The following TUT4 variants were observed in gnomAD, a reference collection of about 807,000 sequenced individuals.
TUT4 encodes terminal uridylyltransferase 4.
TUT4 carries 36 observed loss-of-function variants against 192.2 expected under a neutral mutation model. The observed-to-expected ratio is 0.19, with a 90% CI of 0.14 to 0.25. The LOEUF (loss-of-function observed/expected upper bound fraction) is 0.25, where lower values mean the gene tolerates loss of function less well. Ranked by LOEUF, TUT4 falls within the 10% of genes least tolerant of loss-of-function variation. TUT4 has a pLI of 1.00. For missense variants in TUT4, 1,493 were observed against 1,957.2 expected (o/e 0.76, Z 4.47); for synonymous variants, 618 against 666.0 (o/e 0.93, Z 1.11).
intron 15 of TUT4, among the ~76,000 whole-genome samples, chr1:52,466,110 C>T (rs1431852908): frequency 6.6e-6 from 1 of 152,124 alleles, no homozygotes; most frequent in African/African-American, 2.4e-5. Flanking sequence ...AAACTTCATA[C>T]CCCCATCCAG....
intron 16 of TUT4, chr1:52,463,845 G>C (rs933212962): frequency 1.6e-6 from 2 of 1,251,796 alleles, no homozygotes; most frequent in African/African-American, 3.1e-5. Flanking sequence ...GGGAAGGTCT[G>C]CTCCTGGCAT....
chr1:52,461,623 T>TA lies in TUT4; in HGVS notation c.3128-8dup, dbSNP rs750120884. The TA allele has an allele frequency of 5.0e-4, 731 of 1,454,710 alleles. No homozygotes were observed. The highest frequency in any genetic ancestry group is 9.1e-4 in the South Asian group (71 of 77,852). The allele number at this position is 1,454,710 out of a possible 1,614,324, so 90.1% of individuals were successfully genotyped here. On this transcript the variant is annotated splice_region_variant and splice_polypyrimidine_tract_variant and intron_variant, in intron 17 of 29. Transcript: ENST00000257177. ...GGCAAAATGTTTCTTAAACCTAATT[T>TA]AAAAAAAAAAGACTTCAGTAGGTTA...
chr1:52,471,268 G>A (rs572778068), intron 14 of TUT4, among the ~76,000 whole-genome samples: 2 of 152,194 alleles, frequency 1.3e-5, no homozygotes, highest in South Asian at 4.1e-4. Flanking sequence ...GCCCACCTCG[G>A]CCTCCCAAAA....
At chr1:52,543,102 G>A (rs562107405) in intron 1 of TUT4, among the ~76,000 whole-genome samples, 35 of 152,104 alleles carry the variant, frequency 2.3e-4, no homozygotes, top group Non-Finnish European at 5.0e-4. Flanking sequence ...TCTAGCCAAC[G>A]CCATTAGGCA....
intron 1 of TUT4, among the ~76,000 whole-genome samples, chr1:52,550,435 T>C (rs1265149294): frequency 2.0e-5 from 3 of 151,038 alleles, no homozygotes; most frequent in Non-Finnish European, 4.4e-5. Flanking sequence ...GGAACACAAC[T>C]CATTGAGTTC....
At chr1:52,498,184 A>G (rs1672921357) in intron 4 of TUT4, among the ~76,000 whole-genome samples, 1 of 151,960 alleles carries the variant, frequency 6.6e-6, no homozygotes, top group South Asian at 2.1e-4. Context: ...TCATTTCTGC[A>G]ATTCTTAATT....
At chr1:52,433,496 A>C (rs977274813) in intron 27 of TUT4, 33 of 152,236 alleles carry the variant, frequency 2.2e-4, no homozygotes, top group African/African-American at 7.7e-4. Context: ...GGAAGAGGCA[A>C]GTCCTGGGGG....
At chr1:52,475,807 T>C (rs1395333777) in intron 12 of TUT4, among the ~76,000 whole-genome samples, 1 of 152,066 alleles carries the variant, frequency 6.6e-6, no homozygotes, top group Non-Finnish European at 1.5e-5. Context: ...GAAGGCCAAC[T>C]AAGTAATTAG....
Position 52,423,704 on chromosome 1 carries a change from A to G in TUT4, c.*231T>C, listed in dbSNP as rs1648807261. ...CAATTTGGTGATACTAGTAAAAACT[A>G]TAGTTCATATTTATATACAAATAAT... is the stretch of plus-strand genomic sequence containing the variant. On this transcript the variant is annotated 3_prime_UTR_variant, in exon 30 of 30. Transcript: ENST00000257177. 1 of 958,616 alleles carries G rather than the reference A, an allele frequency of 1.0e-6. No homozygotes were observed. 59.4% of individuals were successfully genotyped at this position (958,616 alleles called of 1,614,324 possible).
intron 1 of TUT4, among the ~76,000 whole-genome samples, chr1:52,547,331 T>G (rs184988766): frequency 6.6e-6 from 1 of 151,366 alleles, no homozygotes; most frequent in East Asian, 1.9e-4. Flanking sequence ...GAAATGCAAA[T>G]CAAACCCACA....
chr1:52,426,884 A>C (rs1570065845), intron 28 of TUT4, among the ~76,000 whole-genome samples: 1 of 152,160 alleles, frequency 6.6e-6, no homozygotes, highest in Non-Finnish European at 1.5e-5. Context: ...GGGGAAAAAA[A>C]CTCATAATAA....
At chr1:52,510,767 T>C (rs891548277) in intron 3 of TUT4, among the ~76,000 whole-genome samples, 3 of 152,354 alleles carry the variant, frequency 2.0e-5, no homozygotes, top group South Asian at 4.1e-4. Context: ...ATTATTTTCA[T>C]CTTATAGATG....
rs760973392 is a variant in TUT4, at chr1:52,446,693, T to C, written c.3436-26A>G. 1.3e-5 allele frequency: 20 copies of C among 1,568,664 alleles called. No individual in the cohort carries two copies. The Middle Eastern group carries it at 8.5e-4, about 66-fold the overall frequency. ...CTGCATAAAAAAATTAATTGTATTA[T>C]TAGATTTCAAGTGATCCAACCCAAA... On this transcript the variant is annotated intron_variant, in intron 20 of 29. Transcript: ENST00000257177.
intron 2 of TUT4, among the ~76,000 whole-genome samples, chr1:52,518,765 C>CAT (rs1189214321): frequency 6.6e-6 from 1 of 152,108 alleles, no homozygotes; most frequent in Non-Finnish European, 1.5e-5. Flanking sequence ...TAGGCAAATA[C>CAT]ATAGAAACAG....
At chr1:52,486,683 A>C (rs748571264) in intron 9 of TUT4, among the ~76,000 whole-genome samples, 7 of 152,176 alleles carry the variant, frequency 4.6e-5, no homozygotes, top group Non-Finnish European at 8.8e-5. Flanking sequence ...AAAACGAGAC[A>C]TGTTATTCTG....
intron 9 of TUT4, among the ~76,000 whole-genome samples, chr1:52,484,154 C>T (rs1669202299): frequency 6.6e-6 from 1 of 152,078 alleles, no homozygotes; most frequent in Non-Finnish European, 1.5e-5. Flanking sequence ...TTCAAGGTTA[C>T]AGTGAGCTAT....
At chr1:52,424,381 T>C (rs1649099376) in intron 29 of TUT4, 1 of 211,834 alleles carries the variant, frequency 4.7e-6, no homozygotes, top group African/African-American at 2.3e-5. Context: ...GATGCCCCAG[T>C]AGTATATGGG....
At chr1:52,458,681 C>A (rs1570515862) in intron 19 of TUT4, among the ~76,000 whole-genome samples, 2 of 152,134 alleles carry the variant, frequency 1.3e-5, no homozygotes, top group African/African-American at 2.4e-5. Context: ...ATCTTACAAA[C>A]AAACAAACAA....
At chr1:52,436,116 T>C (rs1298931303) in intron 26 of TUT4, among the ~76,000 whole-genome samples, 1 of 152,104 alleles carries the variant, frequency 6.6e-6, no homozygotes, top group African/African-American at 2.4e-5. Flanking sequence ...GAAATATAAT[T>C]CTCCAATATG....
Sources: gnomAD v4.1 joint callset for allele counts (sites outside exome capture counted in the v4.1 genomes callset) on GRCh38, gnomAD v4.1.1 for gene constraint, MANE v1.5 for transcripts, NCBI Gene and HGNC (gene_info 2026-07-23, HGNC 2026-07-21) for gene names.